SHTN1: variants seen among roughly 807,000 people sequenced by gnomAD.
SHTN1 encodes shootin-1.
Under a neutral mutation model 83.1 loss-of-function variants are expected in SHTN1, and 42 were observed. The ratio of observed to expected loss-of-function variants is 0.51; its 90% CI spans 0.39 to 0.65. The LOEUF (loss-of-function observed/expected upper bound fraction) is 0.65, where lower values mean the gene tolerates loss of function less well. Among genes scored for constraint, SHTN1 ranks in the 30% least tolerant of loss-of-function variants. The pLI, the probability that SHTN1 is intolerant of heterozygous loss-of-function variation, is 0.00. For synonymous variants in SHTN1, 224 were observed against 247.7 expected (o/e 0.90, Z 0.90); for missense variants, 622 against 737.8 (o/e 0.84, Z 1.82).
At chr10:116,963,173 G>A (rs1445308326) in intron 3 of SHTN1, among the ~76,000 whole-genome samples, 2 of 139,174 alleles carry the variant, frequency 1.4e-5, no homozygotes, top group Non-Finnish European at 3.1e-5. Context: ...CCGGGTTCAC[G>A]CCATTCTCCT....
At chr10:116,937,803 C>CGTTT in intron 9 of SHTN1, among the ~76,000 whole-genome samples, 1 of 152,088 alleles carries the variant, frequency 6.6e-6, no homozygotes, top group East Asian at 1.9e-4. Context: ...GTACACCAAT[C>CGTTT]AAACGTAGGT....
At chr10:116,937,680 CTG>C (rs1849225611) in intron 9 of SHTN1, among the ~76,000 whole-genome samples, 1 of 151,956 alleles carries the variant, frequency 6.6e-6, no homozygotes, top group Admixed American at 6.6e-5. Context: ...GTGGTGTTTT[CTG>C]TGTTTTCTGA....
At chr10:117,103,877 C>A (rs1163183176) in intron 1 of SHTN1, among the ~76,000 whole-genome samples, 7 of 151,970 alleles carry the variant, frequency 4.6e-5, no homozygotes, top group Non-Finnish European at 8.8e-5. Flanking sequence ...TGTGGGGGTA[C>A]AGGTGAATGT....
chr10:117,024,348 CT>C (rs1174576153), intron 2 of SHTN1, among the ~76,000 whole-genome samples: 108 of 77,678 alleles, frequency 1.4e-3, no homozygotes, highest in East Asian at 1.6e-3. Context: ...CAAAACTTTT[CT>C]TTTTTTTTTT....
At chr10:117,021,624 G>A (rs1027769386) in intron 2 of SHTN1, among the ~76,000 whole-genome samples, 3 of 152,148 alleles carry the variant, frequency 2.0e-5, no homozygotes, top group African/African-American at 7.2e-5. Context: ...CTATAAAAAT[G>A]TAATATGCAT....
At chr10:116,978,844 C>T (rs1028319192) in intron 2 of SHTN1, among the ~76,000 whole-genome samples, 8 of 152,230 alleles carry the variant, frequency 5.3e-5, no homozygotes, top group Non-Finnish European at 8.8e-5. Flanking sequence ...GGTATTGGGG[C>T]GAAACACCAA....
intron 1 of SHTN1, among the ~76,000 whole-genome samples, chr10:117,078,867 C>T (rs987522418): frequency 6.6e-6 from 1 of 152,064 alleles, no homozygotes. Context: ...TGGTCCATTT[C>T]ATCTATGTTA....
intron 2 of SHTN1, among the ~76,000 whole-genome samples, chr10:117,041,634 G>C (rs1852585839): frequency 6.6e-6 from 1 of 152,050 alleles, no homozygotes; most frequent in Admixed American, 6.5e-5. Flanking sequence ...GAGTTACATT[G>C]GTTCACCTTG....
Position 116,901,901 on chromosome 10 carries a change from C to T in SHTN1, c.1537G>A (p.Val513Ile). The change falls in exon 16 of 17, where the codon GTA (valine) becomes ATA (isoleucine). Residue 513 changes from valine to isoleucine, a missense_variant. Coordinates refer to ENST00000355371, the MANE Select transcript of SHTN1 (RefSeq NM_001127211.3). ...ESKSMPVLGS[V>I]SSVTKTALNK... ...AAGGCTGTTTTTGTTACACTGGATA[C>T]AGAACCCAACACTGGCATGGATTTG... 1 of 1,607,186 alleles carries T rather than the reference C, an allele frequency of 6.2e-7. No homozygotes were observed. The highest frequency in any genetic ancestry group is 8.5e-7 in the Non-Finnish European group (1 of 1,177,722).
intron 1 of SHTN1, among the ~76,000 whole-genome samples, chr10:117,113,697 C>T (rs897164359): frequency 5.9e-5 from 9 of 152,208 alleles, no homozygotes; most frequent in Non-Finnish European, 8.8e-5. Flanking sequence ...TGAGCCCAGG[C>T]GTTCAAGACC....
In SHTN1 at chr10:116,966,245, T is replaced by C. The variant is rs537064736; in HGVS notation, c.172+2407A>G. On this transcript the variant is annotated intron_variant, in intron 3 of 16. Transcript: ENST00000355371. Reference sequence around the variant, plus strand: ...GATGGTCTTGATCTCCCTGACCTCATGATCCACCCGCCTCGGCCTCCCAAA... The same window carrying C: ...GATGGTCTTGATCTCCCTGACCTCACGATCCACCCGCCTCGGCCTCCCAAA... Among the ~76,000 whole-genome samples, 7 of 152,278 alleles carry C rather than the reference T, an allele frequency of 4.6e-5. No homozygotes were observed. The South Asian group carries it at 1.5e-3, about 32-fold the overall frequency.
chr10:116,911,951 T>TA, intron 13 of SHTN1, 108 bp from the exon 14 acceptor site: 1 of 783,622 alleles, frequency 1.3e-6, no homozygotes, highest in Non-Finnish European at 2.2e-6. Flanking sequence ...GTAATATGTA[T>TA]GACTATATAT....
chr10:116,926,764 A>C (rs1848758755), intron 11 of SHTN1, among the ~76,000 whole-genome samples: 1 of 152,194 alleles, frequency 6.6e-6, no homozygotes, highest in Non-Finnish European at 1.5e-5. Flanking sequence ...TTGTTAAAGA[A>C]TAAATTATAC....
chr10:117,000,159 A>G (rs1296384841), intron 1 of SHTN1, among the ~76,000 whole-genome samples: 1 of 152,166 alleles, frequency 6.6e-6, no homozygotes, highest in Non-Finnish European at 1.5e-5. Context: ...TTTGCACTTG[A>G]AAACAAGGCA....
At chr10:116,953,692 A>G (rs529545361) in intron 5 of SHTN1, among the ~76,000 whole-genome samples, 17 of 141,994 alleles carry the variant, frequency 1.2e-4, no homozygotes, top group African/African-American at 3.8e-4. Flanking sequence ...CAACGGCGCA[A>G]TCTCGGCTCA....
intron 5 of SHTN1, among the ~76,000 whole-genome samples, chr10:116,952,500 C>T (rs986081223): frequency 6.6e-6 from 1 of 152,120 alleles, no homozygotes; most frequent in Non-Finnish European, 1.5e-5. Context: ...TGAACTGATT[C>T]AAAATATAAC....
chr10:116,983,997 T>C (rs1407479998), intron 1 of SHTN1, among the ~76,000 whole-genome samples: 1 of 152,140 alleles, frequency 6.6e-6, no homozygotes, highest in Non-Finnish European at 1.5e-5. Context: ...GGCAGCTGAG[T>C]AGACTTAGTT....
chr10:116,994,181 T>C (rs1252922973), intron 1 of SHTN1, among the ~76,000 whole-genome samples: 2 of 152,102 alleles, frequency 1.3e-5, no homozygotes, highest in African/African-American at 4.8e-5. Context: ...GAGAAAGTTA[T>C]AAGCAAGATA....
At chr10:116,987,798 C>T (rs929272133) in intron 1 of SHTN1, among the ~76,000 whole-genome samples, 2 of 151,956 alleles carry the variant, frequency 1.3e-5, no homozygotes, top group Admixed American at 6.6e-5. Flanking sequence ...GCCTGTAGTC[C>T]CAGCTACCAG....
Sources: gnomAD v4.1 joint callset for allele counts (sites outside exome capture counted in the v4.1 genomes callset) on GRCh38, gnomAD v4.1.1 for gene constraint, MANE v1.5 for transcripts, NCBI Gene and HGNC (gene_info 2026-07-23, HGNC 2026-07-21) for gene names.